The following PIP4P2 variants were observed in gnomAD, a reference collection of about 807,000 sequenced individuals.
PIP4P2 encodes type 2 phosphatidylinositol 4,5-bisphosphate 4-phosphatase.
Under a neutral mutation model 33.3 loss-of-function variants are expected in PIP4P2, and 19 were observed. The ratio of observed to expected loss-of-function variants is 0.57; its 90% CI spans 0.40 to 0.84. The LOEUF (loss-of-function observed/expected upper bound fraction) is 0.84, where lower values mean the gene tolerates loss of function less well. Among genes scored for constraint, PIP4P2 ranks in the 40% least tolerant of loss-of-function variants. The pLI, the probability that PIP4P2 is intolerant of heterozygous loss-of-function variation, is 0.00. For synonymous variants in PIP4P2, 110 were observed against 111.9 expected (o/e 0.98, Z 0.11); for missense variants, 270 against 324.7 (o/e 0.83, Z 1.29).
chr8:91,033,776 GTTTA>G (rs1198739649), intron 1 of PIP4P2, among the ~76,000 whole-genome samples: 4 of 151,816 alleles, frequency 2.6e-5, no homozygotes, highest in African/African-American at 9.7e-5. Context: ...CCTTGTTTTT[GTTTA>G]TTTATTTATT....
intron 4 of PIP4P2, among the ~76,000 whole-genome samples, chr8:91,017,619 AT>A (rs1811935865): frequency 6.6e-6 from 1 of 152,082 alleles, no homozygotes; most frequent in South Asian, 2.1e-4. Context: ...CAAACCACTT[AT>A]ATTTTCTTAA....
At chr8:91,034,171 C>A (rs377695458) in intron 1 of PIP4P2, among the ~76,000 whole-genome samples, 1 of 152,134 alleles carries the variant, frequency 6.6e-6, no homozygotes, top group African/African-American at 2.4e-5. Context: ...GAAATTATAA[C>A]GCTTACTGTA....
Position 91,040,707 on chromosome 8 carries a change from C to T in PIP4P2, c.43G>A (p.Ala15Thr), listed in dbSNP as rs767545840. Residue 15 changes from alanine to threonine, a missense_variant, in exon 1 of 7, where the codon GCA (alanine) becomes ACA (threonine). Transcript: ENST00000285419. ...GVDERSPLLS[A>T]SHSGNVTPTA... The stretch of plus-strand genomic sequence containing the variant: ...GGAGTGACATTTCCGGAGTGGGATG[C>T]TGACAGCAGAGGCGAGCGTTCGTCC... 6.8e-6 allele frequency: 11 copies of T among 1,613,004 alleles called. No homozygotes were observed. The highest frequency in any genetic ancestry group is 1.9e-4 in the Middle Eastern group (1 of 5,280).
chr8:91,020,189 T>C lies in PIP4P2; in HGVS notation c.330A>G (p.Thr110=), dbSNP rs1811987064. ...GTCTTGGGCATCCTATTCGCCGAGA[T>C]GTGTCCTTACAAATGAGAAGACAAT... The part of the protein sequence containing the change: ...PCNCLLICKD[T]SRRIGCPRPN... Residue 110 remains threonine (T), a synonymous_variant, in exon 3 of 7, where the codon ACA becomes ACG. Coordinates refer to ENST00000285419, the MANE Select transcript of PIP4P2 (RefSeq NM_018710.3). The C allele has an allele frequency of 6.2e-7, 1 of 1,613,798 alleles. No homozygotes were observed. Among genetic ancestry groups the C allele is most frequent in the Non-Finnish European group, 8.5e-7 (1 of 1,179,792 alleles).
chr8:91,016,000 A>C (rs1367353201), intron 4 of PIP4P2, among the ~76,000 whole-genome samples: 2 of 152,230 alleles, frequency 1.3e-5, no homozygotes, highest in Non-Finnish European at 2.9e-5. Context: ...CATAAAGTAC[A>C]TTGATTTCTT....
chr8:91,021,546 C>G (rs1812009178), intron 1 of PIP4P2, 142 bp from the exon 2 acceptor site: 1 of 954,340 alleles, frequency 1.0e-6, no homozygotes, highest in African/African-American at 1.7e-5. Flanking sequence ...GCCAATTTAT[C>G]TTACTTTTAG....
chr8:91,040,854 G>A lies in PIP4P2; in HGVS notation c.-105C>T, dbSNP rs572491839. 6 of 1,089,000 alleles carry A rather than the reference G, an allele frequency of 5.5e-6. No homozygotes were observed. The African/African-American group carries it at 7.8e-5, about 14-fold the overall frequency. 67.5% of individuals were successfully genotyped at this position (1,089,000 alleles called of 1,614,324 possible). A position where few individuals can be genotyped will look rare whatever the true frequency, so the allele number is the denominator to read the frequency against. Reference sequence around the variant, plus strand: ...TGCTGCCGCTGCTGCCGCTGCAGCTGCTGCTGCTGCCGCCTCCGGGAGGGC... The same window carrying A: ...TGCTGCCGCTGCTGCCGCTGCAGCTACTGCTGCTGCCGCCTCCGGGAGGGC... On this transcript the variant is annotated 5_prime_UTR_variant, in exon 1 of 7. Transcript: ENST00000285419.
At chr8:91,014,758 GACACACACACACACACACACAC>G (rs142952434) in intron 4 of PIP4P2, among the ~76,000 whole-genome samples, 1 of 142,652 alleles carries the variant, frequency 7.0e-6, no homozygotes, top group African/African-American at 2.6e-5. Flanking sequence ...TTACCACAAA[GACACACACACACACACACACAC>G]ACACACACAC....
At chr8:91,028,717 T>G (rs1389353354) in intron 1 of PIP4P2, among the ~76,000 whole-genome samples, 1 of 152,144 alleles carries the variant, frequency 6.6e-6, no homozygotes, top group Non-Finnish European at 1.5e-5. Flanking sequence ...CTGGGGAAAT[T>G]TCAGAGATTG....
intron 2 of PIP4P2, 53 bp from the exon 3 acceptor site, chr8:91,020,316 C>G: frequency 6.5e-7 from 1 of 1,535,012 alleles, no homozygotes; most frequent in Non-Finnish European, 9.0e-7. Flanking sequence ...TACAGATTGT[C>G]AAAGTTTGTT....
At chr8:91,000,399 GTTT>G (rs11326099) in intron 5 of PIP4P2, among the ~76,000 whole-genome samples, 1 of 143,716 alleles carries the variant, frequency 7.0e-6, no homozygotes. Flanking sequence ...TCATTTAGCA[GTTT>G]TTTTTTTTTT....
intron 5 of PIP4P2, among the ~76,000 whole-genome samples, chr8:90,997,352 G>A (rs1234595994): frequency 1.3e-5 from 2 of 151,806 alleles, no homozygotes; most frequent in Non-Finnish European, 2.9e-5. Context: ...TTCTACTATT[G>A]TACATTAAAG....
intron 5 of PIP4P2, among the ~76,000 whole-genome samples, 189 bp from the exon 6 acceptor site, chr8:90,996,933 T>C (rs931500756): frequency 6.6e-6 from 1 of 152,112 alleles, no homozygotes; most frequent in Non-Finnish European, 1.5e-5. Flanking sequence ...CAGGGTGAAT[T>C]TGTGATATTA....
intron 1 of PIP4P2, among the ~76,000 whole-genome samples, chr8:91,036,876 G>C (rs1812237742): frequency 6.6e-6 from 1 of 152,102 alleles, no homozygotes; most frequent in Non-Finnish European, 1.5e-5. Context: ...TCATGTGAAG[G>C]CTCAATTGAG....
chr8:91,023,651 CAAGCAGTG>C (rs1812042486), intron 1 of PIP4P2, among the ~76,000 whole-genome samples: 1 of 151,690 alleles, frequency 6.6e-6, no homozygotes, highest in African/African-American at 2.4e-5. Context: ...ATGGACAGAA[CAAGCAGTG>C]AAGATTATAA....
At chr8:91,007,224 A>G (rs1811775400) in intron 5 of PIP4P2, among the ~76,000 whole-genome samples, 1 of 152,198 alleles carries the variant, frequency 6.6e-6, no homozygotes, top group South Asian at 2.1e-4. Flanking sequence ...ACAGACTTCT[A>G]TTGGATTCAG....
At chr8:91,039,141 G>C (rs556384708) in intron 1 of PIP4P2, among the ~76,000 whole-genome samples, 1 of 152,240 alleles carries the variant, frequency 6.6e-6, no homozygotes, top group Admixed American at 6.5e-5. Flanking sequence ...CAAACATTTT[G>C]CCATAAAAGG....
chr8:91,033,807 T>C (rs576478707), intron 1 of PIP4P2, among the ~76,000 whole-genome samples: 82 of 152,186 alleles, frequency 5.4e-4, no homozygotes, highest in African/African-American at 1.9e-3. Context: ...TGAGACAGAG[T>C]CTCACTCTGT....
intron 5 of PIP4P2, among the ~76,000 whole-genome samples, chr8:91,006,439 G>A (rs148893714): frequency 5.9e-5 from 9 of 152,212 alleles, no homozygotes; most frequent in African/African-American, 1.4e-4. Flanking sequence ...AACAAATCAC[G>A]GAGTATTCAG....
Sources: gnomAD v4.1 joint callset for allele counts (sites outside exome capture counted in the v4.1 genomes callset) on GRCh38, gnomAD v4.1.1 for gene constraint, MANE v1.5 for transcripts, NCBI Gene and HGNC (gene_info 2026-07-23, HGNC 2026-07-21) for gene names.